Variants in UNC79 observed in about 807,000 individuals in gnomAD.
UNC79 encodes the protein unc-79 subunit of NALCN channel complex, also known as protein unc-79 homolog.
A neutral mutation model predicts 283.1 loss-of-function variants in UNC79; 37 were observed. That is an observed-to-expected ratio of 0.13 (90% confidence interval 0.10 to 0.17). UNC79 has a LOEUF of 0.17. Among genes scored for constraint, UNC79 ranks in the 10% least tolerant of loss-of-function variants. The pLI, the probability that UNC79 is intolerant of heterozygous loss-of-function variation, is 1.00. For missense variants in UNC79, 2,272 were observed against 3,211.1 expected (o/e 0.71, Z 7.07); for synonymous variants, 1,107 against 1,200.2 (o/e 0.92, Z 1.61).
chr14:93,577,918 C>T (rs754794892), exon 18 of UNC79: 9 of 1,614,012 alleles, frequency 5.6e-6, no homozygotes, highest in South Asian at 1.1e-5. Flanking sequence ...TTCCAGAGTC[C>T]GTTTCGGAGT....
chr14:93,386,763 C>CCAA (rs1409348781), intron 1 of UNC79, among the ~76,000 whole-genome samples: 1 of 151,980 alleles, frequency 6.6e-6, no homozygotes, highest in African/African-American at 2.4e-5. Flanking sequence ...GTATTAGTTA[C>CCAA]AGTGCCTCCT....
intron 24 of UNC79, among the ~76,000 whole-genome samples, chr14:93,599,409 A>C (rs1032459413): frequency 6.6e-6 from 1 of 151,684 alleles, no homozygotes. Flanking sequence ...CTGTCTCCCA[A>C]TCCAGTGTAA....
chr14:93,419,730 A>G (rs1261050371), intron 1 of UNC79, among the ~76,000 whole-genome samples: 2 of 151,650 alleles, frequency 1.3e-5, no homozygotes, highest in Non-Finnish European at 2.9e-5. Flanking sequence ...AATAAAAAAC[A>G]TACAAAGGAT....
chr14:93,479,761 A>C (rs2058026355), intron 4 of UNC79, among the ~76,000 whole-genome samples: 1 of 152,094 alleles, frequency 6.6e-6, no homozygotes, highest in South Asian at 2.1e-4. Flanking sequence ...TAGGCTCCCA[A>C]GTAGGGTGTG....
chr14:93,493,893 ATATATATATTTTTTT>A (rs1270604968), intron 5 of UNC79, among the ~76,000 whole-genome samples: 1 of 39,196 alleles, frequency 2.6e-5, no homozygotes. Flanking sequence ...ATATATATAT[ATATATATATTTTTTT>A]TTTTTTTTTT....
In UNC79 at chr14:93,576,449, A is replaced by G. The variant is rs562020344; in HGVS notation, c.2211+1251A>G. On this transcript the variant is annotated intron_variant, in intron 17 of 48. Transcript: ENST00000555664. ...AAAATAAAAATTGAAAAAGAAAAAA[A>G]AGAGAGAGAAATATGATTTGAGAGT... 2.6e-5 allele frequency among the ~76,000 whole-genome samples: 4 copies of G among 152,336 alleles called. No individual in the cohort carries two copies. The South Asian group carries it at 6.2e-4, about 24-fold the overall frequency.
At chr14:93,613,219 A>C in intron 27 of UNC79, 136 bp downstream of exon 28, 2 of 1,155,884 alleles carry the variant, frequency 1.7e-6, no homozygotes, top group Non-Finnish European at 2.4e-6. Context: ...GAGTATGTGG[A>C]GGGGAATGTG....
intron 22 of UNC79, 138 bp from the exon 23 acceptor site, chr14:93,593,542 C>T (rs1190798767): frequency 6.3e-6 from 6 of 945,212 alleles, no homozygotes; most frequent in African/African-American, 1.7e-5. Context: ...ATTATCCTCT[C>T]GTGGATGAGT....
intron 1 of UNC79, among the ~76,000 whole-genome samples, chr14:93,390,543 T>G (rs1426458357): frequency 6.6e-6 from 1 of 152,150 alleles, no homozygotes; most frequent in Non-Finnish European, 1.5e-5. Flanking sequence ...GCTGGTAACT[T>G]GATTGTGTAT....
chr14:93,336,500 CCTGA>C (rs2053580776), intron 1 of UNC79, among the ~76,000 whole-genome samples: 2 of 152,090 alleles, frequency 1.3e-5, no homozygotes, highest in Admixed American at 6.5e-5. Flanking sequence ...TGCCACCATG[CCTGA>C]CTAATTTTTT....
At chr14:93,518,284 T>C (rs1317910366) in intron 7 of UNC79, among the ~76,000 whole-genome samples, 1 of 151,972 alleles carries the variant, frequency 6.6e-6, no homozygotes. Flanking sequence ...TTAATAGTTA[T>C]GGGTTTTTTT....
At position 93,616,750 on chromosome 14, in the gene UNC79, G is replaced by A. The variant is rs548490719; in HGVS notation, c.4042-372G>A. On this transcript the variant is annotated intron_variant, in intron 27 of 48. Transcript: ENST00000555664. The stretch of plus-strand genomic sequence containing the variant: ...TTTGGTTGGTATAATACTTGGTTCA[G>A]ATTGAACCAAGTATTGCCGGTCGTC... Among the ~76,000 whole-genome samples the A allele has an allele frequency of 6.6e-5, 10 of 152,210 alleles. No homozygotes were observed. The East Asian group carries it at 1.7e-3, about 26-fold the overall frequency.
chr14:93,668,419 A>G (rs2072453387), intron 40 of UNC79, among the ~76,000 whole-genome samples: 2 of 152,162 alleles, frequency 1.3e-5, no homozygotes, highest in Non-Finnish European at 2.9e-5. Flanking sequence ...ATCTATTAAG[A>G]ATGTGCAATG....
At chr14:93,346,731 TAGAG>T (rs1208553230) in intron 1 of UNC79, among the ~76,000 whole-genome samples, 2 of 151,960 alleles carry the variant, frequency 1.3e-5, no homozygotes, top group Non-Finnish European at 2.9e-5. Flanking sequence ...AAAGTATAGG[TAGAG>T]AGGAAGACAA....
chr14:93,655,156 A>T, intron 37 of UNC79, 78 bp from the exon 41 acceptor site: 1 of 1,523,876 alleles, frequency 6.6e-7, no homozygotes, highest in Non-Finnish European at 8.9e-7. Context: ...TGTGACTTTT[A>T]AACTGACATT....
intron 1 of UNC79, among the ~76,000 whole-genome samples, chr14:93,441,354 G>A (rs2056292470): frequency 6.6e-6 from 1 of 151,970 alleles, no homozygotes; most frequent in African/African-American, 2.4e-5. Context: ...ATTCTGCATA[G>A]TGTTGGATTT....
At chr14:93,678,822 A>AT (rs1372584384) in intron 41 of UNC79, among the ~76,000 whole-genome samples, 1 of 152,102 alleles carries the variant, frequency 6.6e-6, no homozygotes. Context: ...GTTCAGGTGG[A>AT]TTTTTTCTTT....
At chr14:93,518,715 C>G (rs751535992) in intron 7 of UNC79, among the ~76,000 whole-genome samples, 12 of 151,426 alleles carry the variant, frequency 7.9e-5, no homozygotes, top group African/African-American at 1.2e-4. Context: ...TAGTTGCTTC[C>G]CAGAAATTCA....
In UNC79 at chr14:93,617,714, G is replaced by T. The variant is rs1156952100; in HGVS notation, c.4224+410G>T. Among the ~76,000 whole-genome samples the T allele has an allele frequency of 6.6e-6, 1 of 152,126 alleles. No homozygotes were observed. Among genetic ancestry groups the T allele is most frequent in the Non-Finnish European group, 1.5e-5 (1 of 68,002 alleles). ...GGCATGCATTGCTGTCAGTGGTTTG[G>T]TGAAGGAGGAAATGAATATGGTCCC... On this transcript the variant is annotated intron_variant, in intron 28 of 48. Coordinates refer to ENST00000555664, the Ensembl canonical transcript of UNC79. This position sits in a 1 kb window ranked among gnomAD's most constrained non-coding sequence, Gnocchi z 4.5.
Sources: gnomAD v4.1 joint callset for allele counts (sites outside exome capture counted in the v4.1 genomes callset) on GRCh38, gnomAD v4.1.1 for gene constraint, Gnocchi (gnomAD v3.1) non-coding constraint, MANE v1.5 for transcripts, NCBI Gene and HGNC (gene_info 2026-07-23, HGNC 2026-07-21) for gene names.